Variants in PIEZO2 observed in about 807,000 individuals in gnomAD.
PIEZO2 encodes the protein piezo-type mechanosensitive ion channel component 2.
In PIEZO2, 172 loss-of-function variants were observed where a neutral mutation model predicts 337.3. The observed-to-expected ratio is 0.51, with a 90% CI of 0.45 to 0.58. PIEZO2 has a LOEUF of 0.58. PIEZO2 is among the 20% of genes least tolerant of loss of function. PIEZO2 has a pLI of 0.00. For synonymous variants in PIEZO2, 1,251 were observed against 1,228.5 expected (o/e 1.02, Z -0.38); for missense variants, 3,028 against 3,391.3 (o/e 0.89, Z 2.66).
At chr18:10,865,022 C>T (rs187945001) in intron 5 of PIEZO2, among the ~76,000 whole-genome samples, 2 of 152,074 alleles carry the variant, frequency 1.3e-5, no homozygotes, top group Admixed American at 1.3e-4. Context: ...TCCAGAAGGA[C>T]AAGAGTGAGG....
rs1598339041 is a variant in PIEZO2 at position 10,673,446 on chromosome 18, G to C, written c.8162-573C>G. ...CCACTTCTGGATAGTATGCTCCATG[G>C]GTGCTTCACAGAGGAGATAACTTCT... On this transcript the variant is annotated intron_variant, in intron 54 of 55. Coordinates refer to ENST00000674853, the MANE Select transcript of PIEZO2 (RefSeq NM_001378183.1). The surrounding 1 kb of genome is among the most constrained non-coding windows in gnomAD (Gnocchi z 4.8). Among the ~76,000 whole-genome samples, 1 of 152,142 alleles carries C rather than the reference G, an allele frequency of 6.6e-6. No individual in the cohort carries two copies. The highest frequency in any genetic ancestry group is 2.4e-5 in the African/African-American group (1 of 41,432).
At position 11,047,417 on chromosome 18, in the gene PIEZO2, G is replaced by A. The variant is rs749804651; in HGVS notation, c.160+18710C>T. On this transcript the variant is annotated intron_variant, in intron 2 of 55. Coordinates refer to ENST00000674853, the MANE Select transcript of PIEZO2 (RefSeq NM_001378183.1). This position sits in a 1 kb window ranked among gnomAD's most constrained non-coding sequence, Gnocchi z 7.2. ...AAGGCTCCTGCCTATCCCACAAGAC[G>A]GCCCGGGGGAATTGTCCAAGAACAG... Among the ~76,000 whole-genome samples the A allele has an allele frequency of 5.3e-5, 8 of 152,142 alleles. No individual in the cohort carries two copies. The highest frequency in any genetic ancestry group is 1.0e-4 in the Non-Finnish European group (7 of 68,028).
chr18:10,691,520 C>CATAGT, intron 47 of PIEZO2, 137 bp from the exon 48 acceptor site: 1 of 865,016 alleles, frequency 1.2e-6, no homozygotes, highest in East Asian at 2.7e-5. Context: ...ACTGTCTACA[C>CATAGT]ATAGTGGATC....
At chr18:10,733,075 AGG>A (rs1266667778) in intron 35 of PIEZO2, among the ~76,000 whole-genome samples, 3 of 151,908 alleles carry the variant, frequency 2.0e-5, no homozygotes, top group Non-Finnish European at 4.4e-5. Flanking sequence ...TGGGAGGAAA[AGG>A]GGAGAGGAAA....
intron 1 of PIEZO2, among the ~76,000 whole-genome samples, chr18:11,142,107 C>T (rs1469261635): frequency 6.6e-6 from 1 of 152,134 alleles, no homozygotes; most frequent in Non-Finnish European, 1.5e-5. Context: ...AATCAGAAAA[C>T]ATCACCATCC....
Position 10,870,953 on chromosome 18 carries a change from A to G in PIEZO2, c.492+300T>C, listed in dbSNP as rs1047781805. ...CAATTGAACCATAACACTATGTATGACCTTGCACGGTTAGCCTCCGAGATA... is the reference window on the plus strand; with the variant it reads ...CAATTGAACCATAACACTATGTATGGCCTTGCACGGTTAGCCTCCGAGATA... On this transcript the variant is annotated intron_variant, in intron 5 of 55. Transcript: ENST00000674853. The surrounding 1 kb of genome is among the most constrained non-coding windows in gnomAD (Gnocchi z 5.3). 6.6e-6 allele frequency among the ~76,000 whole-genome samples: 1 copy of G among 152,062 alleles called. No individual in the cohort carries two copies. Among genetic ancestry groups the G allele is most frequent in the African/African-American group, 2.4e-5 (1 of 41,382 alleles).
intron 3 of PIEZO2, among the ~76,000 whole-genome samples, chr18:10,937,213 T>A (rs1370928675): frequency 6.6e-6 from 1 of 152,234 alleles, no homozygotes; most frequent in African/African-American, 2.4e-5. Context: ...ACTATGTGAA[T>A]GAATGAAGAG....
chr18:10,943,711 T>C lies in PIEZO2; in HGVS notation c.287-32483A>G, dbSNP rs973172747. ...TTGGGGGACTGTTGGGAAGGCATGA[T>C]TGGTTTTGAAATGTGAAGATATGAG... On this transcript the variant is annotated intron_variant, in intron 3 of 55. Transcript: ENST00000674853. This position sits in a 1 kb window ranked among gnomAD's most constrained non-coding sequence, Gnocchi z 4.5. 2.0e-5 allele frequency among the ~76,000 whole-genome samples: 3 copies of C among 152,084 alleles called. No individual in the cohort carries two copies. Among genetic ancestry groups the C allele is most frequent in the Admixed American group, 6.5e-5 (1 of 15,268 alleles).
chr18:10,871,226 A>G, intron 5 of PIEZO2, 27 bp downstream of exon 5: 2 of 1,528,542 alleles, frequency 1.3e-6, no homozygotes, highest in Non-Finnish European at 1.8e-6. Context: ...GAAATCAAAG[A>G]AGGAAGAGAC....
rs2040878865 is a variant in PIEZO2 at position 11,148,873 on chromosome 18, G to T, written c.-285C>A. 3 of 376,360 alleles carry T rather than the reference G, an allele frequency of 8.0e-6. No homozygotes were observed. The highest frequency in any genetic ancestry group is 1.4e-5 in the Non-Finnish European group (3 of 213,322). 23.3% of individuals were successfully genotyped at this position (376,360 alleles called of 1,614,324 possible). A position where few individuals can be genotyped will look rare whatever the true frequency, so the allele number is the denominator to read the frequency against. On this transcript the variant is annotated 5_prime_UTR_variant, in exon 1 of 56. Coordinates refer to ENST00000674853, the MANE Select transcript of PIEZO2 (RefSeq NM_001378183.1). This position sits in a 1 kb window ranked among gnomAD's most constrained non-coding sequence, Gnocchi z 5.2. ...GGCCGGCCCATTTAGTGTGAATCCT[G>T]GATCCGGCAGCGGCGGCGGCTTCTT...
intron 1 of PIEZO2, among the ~76,000 whole-genome samples, chr18:11,140,925 ATCTCCTACC>A (rs2040626174): frequency 6.6e-6 from 1 of 152,202 alleles, no homozygotes; most frequent in Admixed American, 6.5e-5. Flanking sequence ...TTCCTTCTGC[ATCTCCTACC>A]TCCAGCCTTC....
Position 11,027,262 on chromosome 18 carries a change from C to T in PIEZO2, c.160+38865G>A, listed in dbSNP as rs769934347. Among the ~76,000 whole-genome samples the T allele has an allele frequency of 4.6e-5, 7 of 152,098 alleles. No individual in the cohort carries two copies. The highest frequency in any genetic ancestry group is 7.2e-5 in the African/African-American group (3 of 41,414). The stretch of plus-strand genomic sequence containing the variant: ...TTTGTGGAAAAGGAACAGCATGAGC[C>T]GTGACCCCTGAGTTCTGAGCTCCAG... On this transcript the variant is annotated intron_variant, in intron 2 of 55. Transcript: ENST00000674853. The surrounding 1 kb of genome is among the most constrained non-coding windows in gnomAD (Gnocchi z 4.2).
In PIEZO2 at chr18:10,784,778, G is replaced by C; in HGVS notation, c.2492+6C>G. ...TAAGAGGTCTGTGTTTCTTCCAGTG[G>C]CTCACCTGTAGATGGTGTTGTCTTC... On this transcript the variant is annotated splice_donor_region_variant and intron_variant, in intron 17 of 55. Transcript: ENST00000674853. This position sits in a 1 kb window ranked among gnomAD's most constrained non-coding sequence, Gnocchi z 4.5. 1 of 1,528,674 alleles carries C rather than the reference G, an allele frequency of 6.5e-7. No homozygotes were observed. The highest frequency in any genetic ancestry group is 8.8e-7 in the Non-Finnish European group (1 of 1,141,448). 94.7% of individuals were successfully genotyped at this position (1,528,674 alleles called of 1,614,324 possible).
At chr18:10,733,313 A>C (rs933102608) in intron 35 of PIEZO2, among the ~76,000 whole-genome samples, 27 of 152,128 alleles carry the variant, frequency 1.8e-4, no homozygotes, top group African/African-American at 6.3e-4. Context: ...CTTAACTTTG[A>C]TGTTTTGAAA....
At chr18:10,719,740 G>C (rs2036177056) in intron 36 of PIEZO2, among the ~76,000 whole-genome samples, 2 of 151,950 alleles carry the variant, frequency 1.3e-5, no homozygotes, top group African/African-American at 4.8e-5. Flanking sequence ...TGGATTGAAG[G>C]GTAGTTCTAT....
At chr18:11,098,808 T>A (rs546881793) in intron 1 of PIEZO2, among the ~76,000 whole-genome samples, 226 of 151,846 alleles carry the variant, frequency 1.5e-3, no homozygotes, top group African/African-American at 4.8e-3. Flanking sequence ...TTAAAAAAAA[T>A]TTTTTTTGAG....
rs139543031 is a variant in PIEZO2 at position 10,970,436 on chromosome 18, T to C, written c.286+9099A>G. On this transcript the variant is annotated intron_variant, in intron 3 of 55. Coordinates refer to ENST00000674853, the MANE Select transcript of PIEZO2 (RefSeq NM_001378183.1). ...GTGCCCAGGGCCCCGGCACCCTCCA[T>C]GGGTGACCCTGGATGCTATCACTAC... Among the ~76,000 whole-genome samples, 379 of 152,334 alleles carry C rather than the reference T, an allele frequency of 2.5e-3. 3 individuals carry two copies. The highest frequency in any genetic ancestry group is 8.5e-3 in the African/African-American group (352 of 41,580).
intron 1 of PIEZO2, among the ~76,000 whole-genome samples, chr18:11,107,521 A>G (rs1306937908): frequency 6.6e-6 from 1 of 152,182 alleles, no homozygotes; most frequent in African/African-American, 2.4e-5. Flanking sequence ...CAAGATAAAT[A>G]TCTAAAATTT....
At chr18:10,782,991 T>G (rs1283758574) in intron 17 of PIEZO2, among the ~76,000 whole-genome samples, 1 of 152,130 alleles carries the variant, frequency 6.6e-6, no homozygotes, top group Non-Finnish European at 1.5e-5. Flanking sequence ...GGATAAATGG[T>G]GAATTATATC....
Sources: allele counts gnomAD v4.1 joint callset (sites outside exome capture counted in the v4.1 genomes callset), GRCh38; gene constraint gnomAD v4.1.1; non-coding constraint Gnocchi (gnomAD v3.1); transcripts MANE v1.5; gene names NCBI Gene and HGNC (gene_info 2026-07-23, HGNC 2026-07-21).